SPATA31E1: variants seen among roughly 807,000 people sequenced by gnomAD.
SPATA31E1 encodes the protein spermatogenesis-associated protein 31E1.
In SPATA31E1, 7 loss-of-function variants were observed where a neutral mutation model predicts 12.9. The ratio of observed to expected loss-of-function variants is 0.54; its 90% confidence interval spans 0.31 to 1.02. The LOEUF (loss-of-function observed/expected upper bound fraction) is 1.02, where lower values mean the gene tolerates loss of function less well. Among genes scored for constraint, SPATA31E1 ranks in the 50% least tolerant of loss-of-function variants. SPATA31E1 has a pLI of 0.05. For synonymous variants in SPATA31E1, 771 were observed against 719.0 expected, an observed-to-expected ratio of 1.07 and a Z score of -1.16; for missense variants, 1,961 against 1,799.8, an observed-to-expected ratio of 1.09 and a Z score of -1.62.
chr9:87,884,677 TGTCC>T, intron 3 of SPATA31E1, 26 bp downstream of exon 3: 1 of 1,613,816 alleles, frequency 6.2e-7, no homozygotes, highest in Non-Finnish European at 8.5e-7. Context: ...CTTCTGTCCC[TGTCC>T]TCCTTCCTAC....
chr9:87,887,157 G>A lies in SPATA31E1; in HGVS notation c.2670G>A (p.Lys890=), dbSNP rs1259149545. 1 of 1,614,070 alleles carries A rather than the reference G, an allele frequency of 6.2e-7. No individual in the cohort carries two copies. Among genetic ancestry groups the A allele is most frequent in the Non-Finnish European group, 8.5e-7 (1 of 1,180,028 alleles). Reference sequence around the variant, plus strand: ...TATCTCGGGTTGAATCTGTACCCAAGGTTCCCATTTTCCTGGGAAAACGTC... The same window carrying A: ...TATCTCGGGTTGAATCTGTACCCAAAGTTCCCATTTTCCTGGGAAAACGTC... ...SWVSRVESVP[K]VPIFLGKRPQ... Residue 890 remains lysine, a synonymous_variant, in exon 4 of 4, where the codon AAG becomes AAA. Transcript: ENST00000325643.
At position 87,887,408 on chromosome 9, in the gene SPATA31E1, G is replaced by A. The variant is rs759581280; in HGVS notation, c.2921G>A (p.Arg974Lys). Residue 974 changes from arginine to lysine, a missense_variant, in exon 4 of 4, where the codon AGG becomes AAG. Transcript: ENST00000325643. ...CTTGTGGGCAGAACCTGGCAGAGCA[G>A]GACTGTCCTGGAATCCGGGAAACCC... ...CSLVGRTWQS[R>K]TVLESGKPKP... 1.9e-6 allele frequency: 3 copies of A among 1,613,712 alleles called. No individual in the cohort carries two copies. Among genetic ancestry groups the A allele is most frequent in the East Asian group, 2.2e-5 (1 of 44,890 alleles).
rs62578207 is a variant in SPATA31E1 at position 87,885,555 on chromosome 9, C to T, written c.1068C>T (p.Phe356=). 6.2e-7 allele frequency: 1 copy of T among 1,614,204 alleles called. No homozygotes were observed. Among genetic ancestry groups the T allele is most frequent in the Admixed American group, 1.7e-5 (1 of 60,032 alleles). ...ACATGGAGGTAGGTGGCTGCACATTCATCCACCCTGACGTGCAGAAGCTGC... is the reference window on the plus strand; with the variant it reads ...ACATGGAGGTAGGTGGCTGCACATTTATCCACCCTGACGTGCAGAAGCTGC... The part of the protein sequence containing the change: ...PKHMEVGGCT[F]IHPDVQKLLE... The change falls in exon 4 of 4, where the codon TTC becomes TTT. Residue 356 remains phenylalanine (F), a synonymous_variant. Coordinates refer to ENST00000325643, the MANE Select transcript of SPATA31E1 (RefSeq NM_178828.5).
At position 87,888,809 on chromosome 9, in the gene SPATA31E1, G is replaced by A; in HGVS notation, c.4322G>A (p.Arg1441Lys). The A allele has an allele frequency of 6.2e-7, 1 of 1,606,336 alleles. No individual in the cohort carries two copies. The highest frequency in any genetic ancestry group is 8.5e-7 in the Non-Finnish European group (1 of 1,176,656). ...PQLQELMSAQ[R>K]CLAS The stretch of plus-strand genomic sequence containing the variant: ...CTGCAGGAACTGATGTCTGCACAGA[G>A]GTGTCTTGCCTCCTGAACTAGACCA... The change falls in exon 4 of 4, where the codon AGG becomes AAG. Residue 1441 changes from arginine (R) to lysine (K), a missense_variant. Physicochemically the swap from Arg to Lys is conservative, Grantham distance 26 (BLOSUM62 2). Transcript: ENST00000325643.
rs1828254648 is a variant in SPATA31E1, at chr9:87,885,627, G to GA, written c.1143dup (p.Glu382ArgfsTer43). On this transcript the variant is annotated frameshift_variant, in exon 4 of 4. Transcript: ENST00000325643. LOFTEE classifies it low-confidence loss of function (END_TRUNC). ...GAGCACTGATGAAGATGTGGCAGGA[G>GA]AAAGAAAGAAAACGGGCCGACCACC... 3 of 1,613,830 alleles carry GA rather than the reference G, an allele frequency of 1.9e-6. No homozygotes were observed. Among genetic ancestry groups the GA allele is most frequent in the Non-Finnish European group, 2.5e-6 (3 of 1,180,026 alleles).
Position 87,885,842 on chromosome 9 carries a change from C to G in SPATA31E1, c.1355C>G (p.Ala452Gly), listed in dbSNP as rs144913666. 2 of 1,613,834 alleles carry G rather than the reference C, an allele frequency of 1.2e-6. No individual in the cohort carries two copies. The highest frequency in any genetic ancestry group is 1.7e-6 in the Non-Finnish European group (2 of 1,180,030). ...CCCTCTCTCAATAGCGAGTCCCTGG[C>G]GACCACAGTCTGGGTTTCTAGGAAC... ...DLPSLNSESLATTVWVSRNPS... is the reference protein window; with the variant it reads ...DLPSLNSESLGTTVWVSRNPS... Residue 452 changes from alanine (A) to glycine (G), a missense_variant, in exon 4 of 4, where the codon GCG becomes GGG. Ala to Gly is a moderately conservative substitution (Grantham distance 60, BLOSUM62 0). Coordinates refer to ENST00000325643, the MANE Select transcript of SPATA31E1 (RefSeq NM_178828.5).
At position 87,885,724 on chromosome 9, in the gene SPATA31E1, C is replaced by CCA. The variant is rs1828257746; in HGVS notation, c.1240_1241dup (p.Gln414HisfsTer159). 6.2e-7 allele frequency: 1 copy of CCA among 1,613,906 alleles called. No homozygotes were observed. On this transcript the variant is annotated frameshift_variant, in exon 4 of 4. Transcript: ENST00000325643. LOFTEE classifies it low-confidence loss of function (END_TRUNC). ...TCCCTTCTGGAACGTGTCAACCCAG[C>CCA]CACAGCAGCTGCCCCGTCCTCAGCA... is the stretch of plus-strand genomic sequence containing the variant.
At position 87,883,980 on chromosome 9, in the gene SPATA31E1, C is replaced by T; in HGVS notation, c.310-12C>T. 1 of 1,603,116 alleles carries T rather than the reference C, an allele frequency of 6.2e-7. No homozygotes were observed. Among genetic ancestry groups the T allele is most frequent in the Non-Finnish European group, 8.5e-7 (1 of 1,173,944 alleles). Reference sequence around the variant, plus strand: ...AACTGGTCCCAGCCCCTCATCCTTTCTTGCCTCTCAGCCTCAAAGGGAGAG... The same window carrying T: ...AACTGGTCCCAGCCCCTCATCCTTTTTTGCCTCTCAGCCTCAAAGGGAGAG... On this transcript the variant is annotated splice_polypyrimidine_tract_variant and intron_variant, in intron 1 of 3. Coordinates refer to ENST00000325643, the MANE Select transcript of SPATA31E1 (RefSeq NM_178828.5).
chr9:87,886,656 A>G lies in SPATA31E1; in HGVS notation c.2169A>G (p.Gly723=). The G allele has an allele frequency of 6.2e-7, 1 of 1,613,960 alleles. No homozygotes were observed. The highest frequency in any genetic ancestry group is 1.1e-5 in the South Asian group (1 of 91,076). ...GPDPSRDQGS[G]RTSVKALDED... ...ACCCAAGCCGGGATCAAGGCTCAGGAAGGACCTCAGTGAAGGCTCTGGACG... is the reference window on the plus strand; with the variant it reads ...ACCCAAGCCGGGATCAAGGCTCAGGGAGGACCTCAGTGAAGGCTCTGGACG... The change falls in exon 4 of 4, where the codon GGA becomes GGG. Residue 723 remains glycine, a synonymous_variant. Coordinates refer to ENST00000325643, the MANE Select transcript of SPATA31E1 (RefSeq NM_178828.5).
In SPATA31E1 at chr9:87,884,621, A is replaced by C; in HGVS notation, c.395A>C (p.Glu132Ala). The C allele has an allele frequency of 6.2e-7, 1 of 1,614,074 alleles. No homozygotes were observed. Among genetic ancestry groups the C allele is most frequent in the South Asian group, 1.1e-5 (1 of 91,082 alleles). Residue 132 changes from glutamate (E) to alanine (A), a missense_variant, in exon 3 of 4, where the codon GAG (glutamate) becomes GCG (alanine). By Grantham distance (107) the Glu-to-Ala change is moderately radical. Transcript: ENST00000325643. Reference sequence around the variant, plus strand: ...AGAATCCTCCTGAGGGAGCTGGAGGAGACTCGGGACCTGAACTACCTTCTG... The same window carrying C: ...AGAATCCTCCTGAGGGAGCTGGAGGCGACTCGGGACCTGAACTACCTTCTG... ...ACRILLRELE[E>A]TRDLNYLLES...
chr9:87,883,840 A>G, intron 1 of SPATA31E1, 152 bp from the exon 2 acceptor site: 1 of 823,492 alleles, frequency 1.2e-6, no homozygotes, highest in Non-Finnish European at 1.9e-6. Context: ...AAAACATTTC[A>G]TTCACGGTAA....
Position 87,887,168 on chromosome 9 carries a change from T to C in SPATA31E1, c.2681T>C (p.Phe894Ser). 1 of 1,614,048 alleles carries C rather than the reference T, an allele frequency of 6.2e-7. No individual in the cohort carries two copies. Among genetic ancestry groups the C allele is most frequent in the East Asian group, 2.2e-5 (1 of 44,864 alleles). ...RVESVPKVPI[F>S]LGKRPQNGPG... ...GAATCTGTACCCAAGGTTCCCATTTTCCTGGGAAAACGTCCTCAGAATGGT... is the reference window on the plus strand; with the variant it reads ...GAATCTGTACCCAAGGTTCCCATTTCCCTGGGAAAACGTCCTCAGAATGGT... Residue 894 changes from phenylalanine (F) to serine (S), a missense_variant, in exon 4 of 4, where the codon TTC becomes TCC. Transcript: ENST00000325643.
Position 87,887,602 on chromosome 9 carries a change from G to A in SPATA31E1, c.3115G>A (p.Gly1039Arg). Residue 1039 changes from glycine to arginine, a missense_variant, in exon 4 of 4, where the codon GGG (glycine) becomes AGG (arginine). Transcript: ENST00000325643. ...AGATGCCCTGCAGGCACTGAAAGTGGGGGAGAAGCCCCCAACTTGGGAAGT... is the reference window on the plus strand; with the variant it reads ...AGATGCCCTGCAGGCACTGAAAGTGAGGGAGAAGCCCCCAACTTGGGAAGT... Reference protein sequence around the residue: ...AEDALQALKVGEKPPTWEVTL... With the variant: ...AEDALQALKVREKPPTWEVTL... 1 of 1,614,172 alleles carries A rather than the reference G, an allele frequency of 6.2e-7. No homozygotes were observed. Among genetic ancestry groups the A allele is most frequent in the East Asian group, 2.2e-5 (1 of 44,880 alleles).
intron 3 of SPATA31E1, 75 bp from the exon 4 acceptor site, chr9:87,884,838 C>T: frequency 1.3e-6 from 2 of 1,518,306 alleles, no homozygotes; most frequent in Non-Finnish European, 1.8e-6. Flanking sequence ...AACCGGGGGC[C>T]CCAGGTGCCC....
rs1828334650 is a variant in SPATA31E1 at position 87,888,679 on chromosome 9, A to T, written c.4192A>T (p.Arg1398Ter). The change falls in exon 4 of 4, where the codon AGA becomes TGA. Residue 1398 changes from arginine to a stop codon, truncating the protein, a stop_gained. Coordinates refer to ENST00000325643, the MANE Select transcript of SPATA31E1 (RefSeq NM_178828.5). LOFTEE classifies it low-confidence loss of function (END_TRUNC). The stretch of plus-strand genomic sequence containing the variant: ...TGTCAAAAACAGGGGCATCAGAGAC[A>T]GAGACAGCAGTTGGGCCCCACCTCC... ...CPVKNRGIRD[R>*]DSSWAPPPRE... The T allele has an allele frequency of 6.2e-7, 1 of 1,613,958 alleles. No homozygotes were observed. Among genetic ancestry groups the T allele is most frequent in the African/African-American group, 1.3e-5 (1 of 74,924 alleles).
Position 87,886,151 on chromosome 9 carries a change from G to C in SPATA31E1, c.1664G>C (p.Arg555Thr). ...GCATCTTACCCTACATCCCAGGAGA[G>C]GACACAGTCTGTCATCCCCACTGGA... ...CGASYPTSQE[R>T]TQSVIPTGKE... Residue 555 changes from arginine to threonine, a missense_variant, in exon 4 of 4, where the codon AGG (arginine) becomes ACG (threonine). Physicochemically the swap from Arg to Thr is moderately conservative, Grantham distance 71. Transcript: ENST00000325643. The C allele has an allele frequency of 6.2e-7, 1 of 1,603,968 alleles. No homozygotes were observed. Among genetic ancestry groups the C allele is most frequent in the Non-Finnish European group, 8.5e-7 (1 of 1,173,726 alleles).
rs745986106 is a variant in SPATA31E1 at position 87,883,147 on chromosome 9, G to T, written c.256G>T (p.Val86Phe). ...GCTCCTCTTCCTATTGCTCCTCTAC[G>T]TCCACAGTGACCCACCCTCACCCCC... is the stretch of plus-strand genomic sequence containing the variant. ...LVLLFLLLLY[V>F]HSDPPSPPPG... is the part of the protein sequence containing the mutation. Residue 86 changes from valine to phenylalanine, a missense_variant, in exon 1 of 4, where the codon GTC becomes TTC. Transcript: ENST00000325643. The T allele has an allele frequency of 6.3e-7, 1 of 1,595,754 alleles. No individual in the cohort carries two copies. The highest frequency in any genetic ancestry group is 8.5e-7 in the Non-Finnish European group (1 of 1,169,794).
Position 87,888,608 on chromosome 9 carries a change from C to G in SPATA31E1, c.4121C>G (p.Ala1374Gly). 6.2e-7 allele frequency: 1 copy of G among 1,614,118 alleles called. No homozygotes were observed. The change falls in exon 4 of 4, where the codon GCT (alanine) becomes GGT (glycine). Residue 1374 changes from alanine to glycine, a missense_variant. Physicochemically the swap from Ala to Gly is moderately conservative, Grantham distance 60 (BLOSUM62 0). Transcript: ENST00000325643. ...CHQERSREMR[A>G]LACSPKATPK... ...CAAGAACGTAGCAGAGAGATGAGAG[C>G]TCTGGCCTGCAGCCCTAAAGCCACC... is the stretch of plus-strand genomic sequence containing the variant.
At chr9:87,883,847 G>T in intron 1 of SPATA31E1, 145 bp from the exon 2 acceptor site, 1 of 847,344 alleles carries the variant, frequency 1.2e-6, no homozygotes, top group Non-Finnish European at 1.8e-6. Flanking sequence ...TTCATTCACG[G>T]TAAACATGAG....
Sources: gnomAD v4.1 joint callset for allele counts on GRCh38, gnomAD v4.1.1 for gene constraint, MANE v1.5 for transcripts, NCBI Gene and HGNC (gene_info 2026-07-23, HGNC 2026-07-21) for gene names.